The following TTC39C variants were observed in gnomAD, a reference collection of about 807,000 sequenced individuals.
TTC39C encodes tetratricopeptide repeat protein 39C.
TTC39C carries 33 observed loss-of-function variants against 76.3 expected under a neutral mutation model. The observed-to-expected ratio is 0.43, with a 90% confidence interval of 0.33 to 0.58. The LOEUF (loss-of-function observed/expected upper bound fraction) is 0.58, where lower values mean the gene tolerates loss of function less well. TTC39C is among the 20% of genes least tolerant of loss of function. The probability of loss-of-function intolerance (pLI) is 0.04; values close to 1 mark genes in which losing one functional copy is unlikely to be tolerated. For synonymous variants in TTC39C, 254 were observed against 260.6 expected (o/e 0.97, Z 0.24); for missense variants, 595 against 701.4 (o/e 0.85, Z 1.71).
At chr18:24,014,721 C>CCTCCTCTTCCCTCCCGTCTT (rs2083426996), upstream of TTC39C, 1 of 1,118,252 alleles carries the variant, frequency 8.9e-7, no homozygotes, top group East Asian at 4.3e-5. Context: ...GCGGTCCTTC[C>CCTCCTCTTCCCTCCCGTCTT]CTCCTCTTCC....
Position 24,114,535 on chromosome 18 carries a change from G to A in TTC39C, c.985-19G>A, listed in dbSNP as rs1466851972. 2 of 1,592,688 alleles carry A rather than the reference G, an allele frequency of 1.3e-6. No homozygotes were observed. The highest frequency in any genetic ancestry group is 1.7e-5 in the Admixed American group (1 of 59,830). On this transcript the variant is annotated intron_variant, in intron 6 of 13. Coordinates refer to ENST00000317571, the MANE Select transcript of TTC39C (RefSeq NM_001135993.2). ...TCGACAGATCTTAGCTGGTAATTCT[G>A]TTTTCCTTTTCTCCTTAGTGTCAAA...
chr18:23,995,239 G>A (rs1291576200), intron 1 of TTC39C, among the ~76,000 whole-genome samples: 9 of 152,112 alleles, frequency 5.9e-5, no homozygotes, highest in African/African-American at 1.2e-4. Context: ...AGGCCGAGAC[G>A]GGTGGATCAC....
intron 6 of TTC39C, among the ~76,000 whole-genome samples, chr18:24,089,622 CCCTA>C (rs2084493228): frequency 6.6e-6 from 1 of 152,130 alleles, no homozygotes; most frequent in Admixed American, 6.5e-5. Flanking sequence ...GTCCTTTTAA[CCCTA>C]CCTATCTGTT....
At chr18:24,020,035 T>G (rs1009826376) in intron 1 of TTC39C, 33 of 1,398,142 alleles carry the variant, frequency 2.4e-5, no homozygotes, top group Non-Finnish European at 2.9e-5. Flanking sequence ...ACAAGTCATC[T>G]GCTCACAGAC....
intron 1 of TTC39C, among the ~76,000 whole-genome samples, chr18:24,047,489 T>C (rs749249996): frequency 7.2e-5 from 11 of 152,240 alleles, no homozygotes; most frequent in South Asian, 2.1e-4. Context: ...GTGTATTTAA[T>C]AGCACTTCTT....
At chr18:24,057,921 A>G (rs1381564384) in intron 1 of TTC39C, among the ~76,000 whole-genome samples, 1 of 152,234 alleles carries the variant, frequency 6.6e-6, no homozygotes, top group Non-Finnish European at 1.5e-5. Flanking sequence ...CTAAATATCC[A>G]TCAGTTGGAG....
chr18:24,128,266 CT>C (rs2085075543), intron 10 of TTC39C, among the ~76,000 whole-genome samples: 1 of 152,092 alleles, frequency 6.6e-6, no homozygotes, highest in South Asian at 2.1e-4. Flanking sequence ...TCTCTGAGTT[CT>C]TTTTCGTATG....
chr18:24,063,090 G>T (rs112033361), intron 1 of TTC39C, among the ~76,000 whole-genome samples: 1 of 152,180 alleles, frequency 6.6e-6, no homozygotes, highest in Admixed American at 6.5e-5. Context: ...TCAGTAAAAC[G>T]ATTTTCATTT....
chr18:24,031,641 T>C (rs922367415), intron 1 of TTC39C, among the ~76,000 whole-genome samples: 1 of 152,178 alleles, frequency 6.6e-6, no homozygotes, highest in Non-Finnish European at 1.5e-5. Context: ...CACCTCTCAC[T>C]TGGACACTTG....
chr18:24,079,149 A>G (rs2084344278), intron 4 of TTC39C, among the ~76,000 whole-genome samples: 1 of 152,224 alleles, frequency 6.6e-6, no homozygotes, highest in Non-Finnish European at 1.5e-5. Flanking sequence ...AGTTGGTATC[A>G]TATTAATAAC....
intron 6 of TTC39C, among the ~76,000 whole-genome samples, chr18:24,084,569 T>C (rs1007691286): frequency 6.6e-6 from 1 of 152,118 alleles, no homozygotes; most frequent in African/African-American, 2.4e-5. Context: ...TCCAAATTGT[T>C]TTTGTTCTCA....
At chr18:24,103,494 G>A (rs2084704302) in intron 6 of TTC39C, among the ~76,000 whole-genome samples, 1 of 152,176 alleles carries the variant, frequency 6.6e-6, no homozygotes, top group South Asian at 2.1e-4. Flanking sequence ...GTAACAAACA[G>A]CACACGTGTG....
intron 1 of TTC39C, among the ~76,000 whole-genome samples, chr18:24,022,354 AT>A (rs1018853999): frequency 3.3e-5 from 5 of 152,018 alleles, no homozygotes; most frequent in Admixed American, 3.3e-4. Flanking sequence ...TCCTTGTTTA[AT>A]TCCCCTGCCA....
At chr18:23,999,558 G>A (rs1018808128) in intron 1 of TTC39C, among the ~76,000 whole-genome samples, 6 of 152,238 alleles carry the variant, frequency 3.9e-5, no homozygotes, top group Non-Finnish European at 7.3e-5. Flanking sequence ...CCCTAGCCAG[G>A]GGGCAAGAAG....
chr18:24,106,430 CAG>C (rs761000404), intron 6 of TTC39C, among the ~76,000 whole-genome samples: 10 of 142,284 alleles, frequency 7.0e-5, no homozygotes, highest in Non-Finnish European at 1.2e-4. Flanking sequence ...TTAGCACTCT[CAG>C]GGGAGGCTGC....
At chr18:24,025,756 G>A (rs2083592210) in intron 1 of TTC39C, among the ~76,000 whole-genome samples, 1 of 152,182 alleles carries the variant, frequency 6.6e-6, no homozygotes, top group Non-Finnish European at 1.5e-5. Context: ...GGAGGGTTTA[G>A]GACCAGATTT....
At chr18:24,090,248 A>T (rs1030042081) in intron 6 of TTC39C, among the ~76,000 whole-genome samples, 2 of 152,200 alleles carry the variant, frequency 1.3e-5, no homozygotes, top group Non-Finnish European at 2.9e-5. Flanking sequence ...TCCTTATTAG[A>T]TTATAGCTCC....
rs774155490 is a variant in TTC39C at position 24,130,380 on chromosome 18, G to A, written c.1586G>A (p.Cys529Tyr). The A allele has an allele frequency of 1.9e-6, 3 of 1,583,472 alleles. No homozygotes were observed. The highest frequency in any genetic ancestry group is 2.6e-6 in the Non-Finnish European group (3 of 1,165,462). Residue 529 changes from cysteine to tyrosine, a missense_variant, in exon 12 of 14, where the codon TGT becomes TAT. Coordinates refer to ENST00000317571, the MANE Select transcript of TTC39C (RefSeq NM_001135993.2). The stretch of plus-strand genomic sequence containing the variant: ...AACTTATATGTTCAGCCGTATGCCT[G>A]TTATGAACTTGGCTGTCTTCTATTA... ...QNNLYVQPYACYELGCLLLDK... is the reference protein window; with the variant it reads ...QNNLYVQPYAYYELGCLLLDK...
chr18:24,014,751 C>G, upstream of TTC39C: 1 of 1,151,318 alleles, frequency 8.7e-7, no homozygotes, highest in Non-Finnish European at 1.1e-6. Context: ...TCTCCCCTCC[C>G]CTCCCCTCCC....
Sources: allele counts gnomAD v4.1 joint callset (sites outside exome capture counted in the v4.1 genomes callset), GRCh38; gene constraint gnomAD v4.1.1; transcripts MANE v1.5; gene names NCBI Gene and HGNC (gene_info 2026-07-23, HGNC 2026-07-21).